Variants in PSTPIP1 observed in about 807,000 individuals in gnomAD.
The protein encoded by PSTPIP1 is proline-serine-threonine phosphatase-interacting protein 1.
A neutral mutation model predicts 69.6 loss-of-function variants in PSTPIP1; 66 were observed. The observed-to-expected ratio is 0.95, with a 90% CI of 0.78 to 1.16. The LOEUF (loss-of-function observed/expected upper bound fraction) is 1.16. PSTPIP1 is among the 50% of genes most tolerant of loss of function. The probability of loss-of-function intolerance (pLI) is 0.00; values close to 1 mark genes in which losing one functional copy is unlikely to be tolerated. For missense variants in PSTPIP1, 603 were observed against 557.4 expected (o/e 1.08, Z -0.82); for synonymous variants, 266 against 222.7 (o/e 1.19, Z -1.73).
chr15:77,022,802 G>T (rs2076188302), intron 3 of PSTPIP1, among the ~76,000 whole-genome samples: 1 of 152,252 alleles, frequency 6.6e-6, no homozygotes, highest in Non-Finnish European at 1.5e-5. Context: ...GGGGACAGGG[G>T]ACCTGGGGCA....
chr15:77,000,374 C>A lies in PSTPIP1; in HGVS notation c.36+4765C>A, dbSNP rs149515994. Among the ~76,000 whole-genome samples, 1,014 of 151,908 alleles carry A rather than the reference C, an allele frequency of 6.7e-3. 15 individuals are homozygous for A. Among genetic ancestry groups the A allele is most frequent in the African/African-American group, 0.024 (974 of 41,312 alleles). On this transcript the variant is annotated intron_variant, in intron 1 of 14. Coordinates refer to ENST00000558012, the MANE Select transcript of PSTPIP1 (RefSeq NM_003978.5). The stretch of plus-strand genomic sequence containing the variant: ...CTGTCATAAAGCTGCCTGTCCCTAC[C>A]CCCAGACCTGTCTACCATGGCCCAG...
At chr15:77,007,543 A>T (rs577482804) in intron 1 of PSTPIP1, among the ~76,000 whole-genome samples, 3 of 150,118 alleles carry the variant, frequency 2.0e-5, no homozygotes, top group East Asian at 4.0e-4. Flanking sequence ...CAGGAGGTCG[A>T]GGTTGCAGTG....
At position 77,032,322 on chromosome 15, in the gene PSTPIP1, C is replaced by A; in HGVS notation, c.766C>A (p.Leu256Met). 1 of 1,612,586 alleles carries A rather than the reference C, an allele frequency of 6.2e-7. No individual in the cohort carries two copies. Among genetic ancestry groups the A allele is most frequent in the Non-Finnish European group, 8.5e-7 (1 of 1,179,744 alleles). Residue 256 changes from leucine (L) to methionine (M), a missense_variant, in exon 11 of 15, where the codon CTG becomes ATG. Coordinates refer to ENST00000558012, the MANE Select transcript of PSTPIP1 (RefSeq NM_003978.5). ...DELYEEVRLTLEGCSIDADID... is the reference protein window; with the variant it reads ...DELYEEVRLTMEGCSIDADID... ...GCTCTACGAGGAAGTGCGGCTGACG[C>A]TGGAAGGCTGCAGCATAGACGCCGA... is the stretch of plus-strand genomic sequence containing the variant.
In PSTPIP1 at chr15:77,037,468, G is replaced by C. The variant is rs2076609337; in HGVS notation, c.*292G>C. 3.1e-6 allele frequency: 1 copy of C among 317,720 alleles called. No individual in the cohort carries two copies. The highest frequency in any genetic ancestry group is 3.5e-5 in the South Asian group (1 of 28,806). The allele number at this position is 317,720 out of a possible 1,614,324, so 19.7% of individuals were successfully genotyped here. A position where few individuals can be genotyped will look rare whatever the true frequency, so the allele number is the denominator to read the frequency against. On this transcript the variant is annotated 3_prime_UTR_variant, in exon 15 of 15. Coordinates refer to ENST00000558012, the MANE Select transcript of PSTPIP1 (RefSeq NM_003978.5). ...TCAGCCGAGGCTTCAGCTATAGTTG[G>C]AGAAGAGGCCTGGCCCCAGTTGCTA...
Position 76,995,468 on chromosome 15 carries a change from G to T in PSTPIP1, c.-106G>T, listed in dbSNP as rs755790871. The T allele has an allele frequency of 4.2e-5, 66 of 1,589,162 alleles. No homozygotes were observed. The highest frequency in any genetic ancestry group is 5.3e-5 in the Non-Finnish European group (62 of 1,168,590). Reference sequence around the variant, plus strand: ...CAGACGGCGCCGGCCGGGAAGGGGGGCCTGGGCCAGCCCTGCCAGGACTGG... The same window carrying T: ...CAGACGGCGCCGGCCGGGAAGGGGGTCCTGGGCCAGCCCTGCCAGGACTGG... On this transcript the variant is annotated 5_prime_UTR_variant, in exon 1 of 15. Transcript: ENST00000558012.
At chr15:77,000,460 G>GATATATATAGATATAT (rs2075678458) in intron 1 of PSTPIP1, among the ~76,000 whole-genome samples, 71 of 141,760 alleles carry the variant, frequency 5.0e-4, no homozygotes, top group African/African-American at 1.8e-3. Context: ...TTTAAAGAGA[G>GATATATATAGATATAT]ATATATATAT....
At chr15:77,013,406 T>TGG (rs1055546406) in intron 1 of PSTPIP1, among the ~76,000 whole-genome samples, 1 of 151,986 alleles carries the variant, frequency 6.6e-6, no homozygotes, top group African/African-American at 2.4e-5. Context: ...GGGGTCTCCA[T>TGG]GGGGGGGTGG....
Position 77,027,956 on chromosome 15 carries a change from C to T in PSTPIP1, c.417+42C>T. Reference sequence around the variant, plus strand: ...GGGGCCGCGGCCTTCCCTCGAGGAGCAGCGCAGGTCTCAGGGTGCGATCCT... The same window carrying T: ...GGGGCCGCGGCCTTCCCTCGAGGAGTAGCGCAGGTCTCAGGGTGCGATCCT... On this transcript the variant is annotated intron_variant, in intron 6 of 14. Coordinates refer to ENST00000558012, the MANE Select transcript of PSTPIP1 (RefSeq NM_003978.5). The surrounding 1 kb of genome is among the most constrained non-coding windows in gnomAD (Gnocchi z 4.3). 6.7e-7 allele frequency: 1 copy of T among 1,492,588 alleles called. No individual in the cohort carries two copies. Among genetic ancestry groups the T allele is most frequent in the Non-Finnish European group, 9.1e-7 (1 of 1,095,024 alleles). 92.5% of individuals were successfully genotyped at this position (1,492,588 alleles called of 1,614,324 possible).
intron 1 of PSTPIP1, 22 bp from the exon 2 acceptor site, chr15:77,018,126 G>T: frequency 6.4e-7 from 1 of 1,560,256 alleles, no homozygotes; most frequent in East Asian, 2.4e-5. Flanking sequence ...GCCCTCATGT[G>T]TCCTTCTGTC....
chr15:77,030,846 C>A (rs1020014439), intron 9 of PSTPIP1, among the ~76,000 whole-genome samples: 1 of 152,224 alleles, frequency 6.6e-6, no homozygotes, highest in Non-Finnish European at 1.5e-5. Flanking sequence ...TGGACTAAAC[C>A]CACAGCCTCT....
intron 1 of PSTPIP1, among the ~76,000 whole-genome samples, chr15:77,003,891 G>T (rs994396797): frequency 4.6e-5 from 7 of 152,168 alleles, no homozygotes; most frequent in East Asian, 1.9e-4. Context: ...ACCAGGAACA[G>T]TTCCCAGGGG....
intron 7 of PSTPIP1, among the ~76,000 whole-genome samples, chr15:77,029,302 A>G (rs2076358269): frequency 6.6e-6 from 1 of 152,232 alleles, no homozygotes; most frequent in Admixed American, 6.5e-5. Context: ...CACTCTTCAC[A>G]GGCATCCTCC....
At chr15:77,008,026 C>T in intron 1 of PSTPIP1, 1 of 456,560 alleles carries the variant, frequency 2.2e-6, no homozygotes, top group Non-Finnish European at 4.4e-6. Flanking sequence ...CATCAGACTA[C>T]AGGTGGTAGG....
At chr15:77,033,084 G>T in intron 12 of PSTPIP1, 132 bp downstream of exon 12, 2 of 895,814 alleles carry the variant, frequency 2.2e-6, no homozygotes, top group South Asian at 3.3e-5. Flanking sequence ...CAGTTTAGGT[G>T]CTGGGCACTC....
intron 1 of PSTPIP1, chr15:77,008,016 C>G (rs2075852607): frequency 1.1e-5 from 5 of 456,330 alleles, no homozygotes; most frequent in Non-Finnish European, 2.2e-5. Flanking sequence ...GGCATCAGGA[C>G]ATCAGACTAC....
intron 2 of PSTPIP1, 65 bp from the exon 3 acceptor site, chr15:77,018,392 A>C: frequency 1.3e-6 from 2 of 1,547,808 alleles, no homozygotes; most frequent in Non-Finnish European, 1.7e-6. Flanking sequence ...GTGTTCCCTC[A>C]AACCTGGGCC....
Position 77,031,121 on chromosome 15 carries a change from A to C in PSTPIP1, c.643-59A>C, listed in dbSNP as rs567776617. On this transcript the variant is annotated intron_variant, in intron 9 of 14. Transcript: ENST00000558012. ...TCCGGCTGAGCTGTGAATGGGGCCC[A>C]GCCTGGCCGGGCCCTGCAGCCGCCT... The C allele has an allele frequency of 3.9e-5, 59 of 1,501,904 alleles. No homozygotes were observed. In the Admixed American group the frequency reaches 7.4e-4, roughly 19 times the overall value. The allele number at this position is 1,501,904 out of a possible 1,614,324, so 93.0% of individuals were successfully genotyped here. A position where few individuals can be genotyped will look rare whatever the true frequency, so the allele number is the denominator to read the frequency against.
At chr15:77,017,087 CA>C (rs2076065909) in intron 1 of PSTPIP1, among the ~76,000 whole-genome samples, 1 of 152,060 alleles carries the variant, frequency 6.6e-6, no homozygotes, top group Non-Finnish European at 1.5e-5. Context: ...CAGTTGGTGA[CA>C]AAAATCCTGT....
At chr15:77,030,296 G>A (rs2076383388) in intron 8 of PSTPIP1, among the ~76,000 whole-genome samples, 1 of 152,270 alleles carries the variant, frequency 6.6e-6, no homozygotes, top group Non-Finnish European at 1.5e-5. Context: ...CCCTCAGGCA[G>A]CTCAGAGCAC....
Sources: gnomAD v4.1 joint callset for allele counts (sites outside exome capture counted in the v4.1 genomes callset) on GRCh38, gnomAD v4.1.1 for gene constraint, Gnocchi (gnomAD v3.1) non-coding constraint, MANE v1.5 for transcripts, NCBI Gene and HGNC (gene_info 2026-07-23, HGNC 2026-07-21) for gene names.